CACNA1C: variants seen among roughly 807,000 people sequenced by gnomAD.
CACNA1C encodes the protein voltage-dependent L-type calcium channel subunit alpha-1C.
In CACNA1C, 30 loss-of-function variants were observed where a neutral mutation model predicts 229.0. That is an observed-to-expected ratio of 0.13 (90% CI 0.10 to 0.18). The LOEUF (loss-of-function observed/expected upper bound fraction) is 0.18. CACNA1C is among the 10% of genes least tolerant of loss of function. The probability of loss-of-function intolerance (pLI) is 1.00; values close to 1 mark genes in which losing one functional copy is unlikely to be tolerated. For synonymous variants in CACNA1C, 1,114 were observed against 1,132.5 expected (o/e 0.98, Z 0.33); for missense variants, 1,658 against 2,845.0 (o/e 0.58, Z 9.49).
intron 3 of CACNA1C, among the ~76,000 whole-genome samples, chr12:2,369,248 T>G (rs1167242465): frequency 6.6e-6 from 1 of 152,196 alleles, no homozygotes; most frequent in African/African-American, 2.4e-5. Context: ...AAAATAACTT[T>G]AAGGTGCTTC....
chr12:2,621,293 G>A (rs2083110311), intron 29 of CACNA1C, among the ~76,000 whole-genome samples: 1 of 152,142 alleles, frequency 6.6e-6, no homozygotes, highest in Admixed American at 6.5e-5. Flanking sequence ...TTTAAAATAA[G>A]GAGGTCAGGA....
intron 3 of CACNA1C, among the ~76,000 whole-genome samples, chr12:2,376,937 A>G (rs1249812083): frequency 1.3e-5 from 2 of 152,196 alleles, no homozygotes; most frequent in African/African-American, 4.8e-5. Flanking sequence ...AATGGTAGGA[A>G]TCGCAGGGAC....
chr12:2,193,519 G>A (rs11838047), intron 3 of CACNA1C, among the ~76,000 whole-genome samples: 5,527 of 152,330 alleles, frequency 0.036, 332 homozygotes, highest in African/African-American at 0.12. Context: ...AGAGGCTGGT[G>A]TTGAGAGCTC....
Position 2,315,302 on chromosome 12 carries a change from C to T in CACNA1C, c.478-133674C>T, listed in dbSNP as rs73605737. 4.9e-3 allele frequency among the ~76,000 whole-genome samples: 752 copies of T among 152,314 alleles called. 9 individuals carry two copies. Among genetic ancestry groups the T allele is most frequent in the African/African-American group, 0.017 (713 of 41,580 alleles). On this transcript the variant is annotated intron_variant, in intron 3 of 46. Coordinates refer to ENST00000399655, the MANE Select transcript of CACNA1C (RefSeq NM_000719.7). The stretch of plus-strand genomic sequence containing the variant: ...TTCATTGATGGATATCATCTGCAAC[C>T]GTCTGCTTTCCTTTTGTGCCAACAA...
chr12:2,351,073 T>G (rs1360974203), intron 3 of CACNA1C, among the ~76,000 whole-genome samples: 1 of 152,248 alleles, frequency 6.6e-6, no homozygotes, highest in African/African-American at 2.4e-5. Flanking sequence ...GTGAACTGTT[T>G]CAGATACTCT....
At chr12:2,220,767 A>G (rs779320850) in intron 3 of CACNA1C, 12 of 152,200 alleles carry the variant, frequency 7.9e-5, no homozygotes, top group Non-Finnish European at 1.8e-4. Context: ...TCTATTCAAC[A>G]TGTATTTATC....
chr12:2,597,399 C>A lies in CACNA1C; in HGVS notation c.2853+110C>A. On this transcript the variant is annotated intron_variant, in intron 21 of 46. Coordinates refer to ENST00000399655, the MANE Select transcript of CACNA1C (RefSeq NM_000719.7). This position sits in a 1 kb window ranked among gnomAD's most constrained non-coding sequence, Gnocchi z 4.3. The stretch of plus-strand genomic sequence containing the variant: ...CTCCTTCCTGTTGGTGTGGGGTTCA[C>A]TCTCAGAGCCACTAATCCAATTATG... The A allele has an allele frequency of 6.4e-7, 1 of 1,558,270 alleles. No individual in the cohort carries two copies.
At chr12:1,981,100 T>C (rs1237988633) in intron 1 of CACNA1C, among the ~76,000 whole-genome samples, 1 of 152,200 alleles carries the variant, frequency 6.6e-6, no homozygotes, top group Non-Finnish European at 1.5e-5. Context: ...ATGATGAGGA[T>C]GTATGGCATT....
Position 2,108,136 on chromosome 12 carries a change from A to T in CACNA1C, c.50-7088A>T, listed in dbSNP as rs1041834884. 6.6e-6 allele frequency among the ~76,000 whole-genome samples: 1 copy of T among 152,230 alleles called. No homozygotes were observed. Among genetic ancestry groups the T allele is most frequent in the Non-Finnish European group, 1.5e-5 (1 of 68,046 alleles). On this transcript the variant is annotated intron_variant, in intron 1 of 46. Coordinates refer to ENST00000399655, the MANE Select transcript of CACNA1C (RefSeq NM_000719.7). This position sits in a 1 kb window ranked among gnomAD's most constrained non-coding sequence, Gnocchi z 5.3. The stretch of plus-strand genomic sequence containing the variant: ...ATGTTGTATTGGACAGTGTTGCTAT[A>T]GACTGGTCTATATATCTCAGTCAGG...
chr12:2,566,000 C>T (rs2050687195), intron 11 of CACNA1C, among the ~76,000 whole-genome samples: 1 of 152,182 alleles, frequency 6.6e-6, no homozygotes, highest in Non-Finnish European at 1.5e-5. Flanking sequence ...GGAGAGAAGG[C>T]ATGAGAAGTG....
intron 1 of CACNA1C, among the ~76,000 whole-genome samples, chr12:2,073,110 C>G (rs2061957825): frequency 6.6e-6 from 1 of 152,182 alleles, no homozygotes; most frequent in Admixed American, 6.5e-5. Flanking sequence ...GTGAGTGAAT[C>G]TTTCAGCTCT....
At chr12:2,556,231 C>A (rs1599928844) in intron 10 of CACNA1C, among the ~76,000 whole-genome samples, 1 of 152,170 alleles carries the variant, frequency 6.6e-6, no homozygotes, top group South Asian at 2.1e-4. Context: ...CCCCTGGACT[C>A]TTCCCTACAT....
Position 2,493,113 on chromosome 12 carries a change from T to C in CACNA1C, c.917-77T>C, listed in dbSNP as rs1057132811. 7.7e-7 allele frequency: 1 copy of C among 1,294,094 alleles called. No homozygotes were observed. The highest frequency in any genetic ancestry group is 1.1e-6 in the Non-Finnish European group (1 of 901,306). 80.2% of individuals were successfully genotyped at this position (1,294,094 alleles called of 1,614,324 possible). A position where few individuals can be genotyped will look rare whatever the true frequency, so the allele number is the denominator to read the frequency against. On this transcript the variant is annotated intron_variant, in intron 6 of 46. Coordinates refer to ENST00000399655, the MANE Select transcript of CACNA1C (RefSeq NM_000719.7). This position sits in a 1 kb window ranked among gnomAD's most constrained non-coding sequence, Gnocchi z 4.6. ...CCCATCAACCTCATCCTGTCACTTT[T>C]CTCTCTGACTTCTTTCTCTGCCCAC...
intron 3 of CACNA1C, among the ~76,000 whole-genome samples, chr12:2,317,641 A>G (rs886860937): frequency 2.0e-5 from 3 of 152,218 alleles, no homozygotes; most frequent in Non-Finnish European, 2.9e-5. Flanking sequence ...GCAAATTTTA[A>G]TGTATTTTCC....
At chr12:2,294,283 T>A (rs1256449966) in intron 3 of CACNA1C, among the ~76,000 whole-genome samples, 1 of 151,984 alleles carries the variant, frequency 6.6e-6, no homozygotes, top group African/African-American at 2.4e-5. Context: ...ATGGCAGCGG[T>A]GGTGGGTCCT....
At chr12:2,183,810 G>A (rs570995221) in intron 3 of CACNA1C, among the ~76,000 whole-genome samples, 1 of 152,366 alleles carries the variant, frequency 6.6e-6, no homozygotes, top group South Asian at 2.1e-4. Flanking sequence ...CAGTGGCTGA[G>A]GAAATAGCGG....
chr12:2,004,005 C>A (rs1453300008), intron 1 of CACNA1C, among the ~76,000 whole-genome samples: 1 of 152,148 alleles, frequency 6.6e-6, no homozygotes, highest in Non-Finnish European at 1.5e-5. Context: ...TTTCCTTCGG[C>A]TCTTATGGTG....
At chr12:2,685,990 G>T in intron 44 of CACNA1C, 148 bp downstream of exon 44, 1 of 780,228 alleles carries the variant, frequency 1.3e-6, no homozygotes, top group South Asian at 1.5e-5. Flanking sequence ...CATTCCAAAG[G>T]CAGGGTGTGC....
At chr12:1,984,677 G>C (rs1311694645) in intron 1 of CACNA1C, among the ~76,000 whole-genome samples, 3 of 140,464 alleles carry the variant, frequency 2.1e-5, no homozygotes, top group Non-Finnish European at 4.5e-5. Context: ...TACTATTTCT[G>C]TTGTTCCTAC....
Sources: allele counts gnomAD v4.1 joint callset (sites outside exome capture counted in the v4.1 genomes callset), GRCh38; gene constraint gnomAD v4.1.1; non-coding constraint Gnocchi (gnomAD v3.1); transcripts MANE v1.5; gene names NCBI Gene and HGNC (gene_info 2026-07-23, HGNC 2026-07-21).